The following UBR3 variants were observed in gnomAD, a reference collection of about 807,000 sequenced individuals.
UBR3 encodes the protein ubiquitin protein ligase E3 component n-recognin 3.
A neutral mutation model predicts 243.2 loss-of-function variants in UBR3; 85 were observed. The ratio of observed to expected loss-of-function variants is 0.35; its 90% CI spans 0.29 to 0.42. The LOEUF is 0.42. UBR3 is among the 10% of genes least tolerant of loss of function. UBR3 has a pLI of 1.00. For synonymous variants in UBR3, 748 were observed against 799.8 expected, an observed-to-expected ratio of 0.94 and a Z score of 1.09; for missense variants, 1,686 against 2,300.8, an observed-to-expected ratio of 0.73 and a Z score of 5.47.
intron 1 of UBR3, among the ~76,000 whole-genome samples, chr2:169,835,476 C>T (rs779720056): frequency 4.2e-4 from 64 of 152,182 alleles, no homozygotes; most frequent in Non-Finnish European, 1.2e-4. Context: ...GAGTCTCACT[C>T]TGTTGCCAGG....
rs539552370 is a variant in UBR3 at position 169,859,547 on chromosome 2, C to G, written c.546-12689C>G. Reference sequence around the variant, plus strand: ...TAATGCAAGACCACCTTGTTATTATCCCACAGCTCACTGAGGTTCTGTTTA... The same window carrying G: ...TAATGCAAGACCACCTTGTTATTATGCCACAGCTCACTGAGGTTCTGTTTA... On this transcript the variant is annotated intron_variant, in intron 1 of 38. Coordinates refer to ENST00000272793, the MANE Select transcript of UBR3 (RefSeq NM_172070.4). Among the ~76,000 whole-genome samples the G allele has an allele frequency of 1.2e-4, 19 of 152,078 alleles. No homozygotes were observed. The East Asian group carries it at 3.1e-3, about 25-fold the overall frequency.
intron 1 of UBR3, among the ~76,000 whole-genome samples, chr2:169,839,438 A>C (rs1425111590): frequency 6.6e-6 from 1 of 152,182 alleles, no homozygotes; most frequent in Non-Finnish European, 1.5e-5. Context: ...AAGAAATAAG[A>C]CCTAATGTTA....
At chr2:169,909,959 TGAGA>T (rs1039867414) in intron 10 of UBR3, among the ~76,000 whole-genome samples, 1 of 152,036 alleles carries the variant, frequency 6.6e-6, no homozygotes, top group Non-Finnish European at 1.5e-5. Flanking sequence ...ACATTGTTGA[TGAGA>T]GAGAGAGACT....
intron 1 of UBR3, among the ~76,000 whole-genome samples, chr2:169,833,190 G>A (rs2081991460): frequency 6.6e-6 from 1 of 152,124 alleles, no homozygotes; most frequent in African/African-American, 2.4e-5. Flanking sequence ...TGTATAAGTG[G>A]ACCCTTGTAG....
chr2:169,942,416 G>T (rs536347867), intron 19 of UBR3, 77 bp from the exon 20 acceptor site: 814 of 1,366,666 alleles, frequency 6.0e-4, no homozygotes, highest in Non-Finnish European at 7.2e-4. Flanking sequence ...ACAGAAATTG[G>T]TGTCTATAAA....
intron 18 of UBR3, among the ~76,000 whole-genome samples, chr2:169,930,382 T>C (rs537300950): frequency 7.5e-6 from 1 of 133,308 alleles, no homozygotes; most frequent in Admixed American, 7.4e-5. Flanking sequence ...AAATTAGTTG[T>C]TTTTTTTTTT....
At position 169,851,569 on chromosome 2, in the gene UBR3, A is replaced by G. The variant is rs1574044757; in HGVS notation, c.546-20667A>G. Among the ~76,000 whole-genome samples the G allele has an allele frequency of 2.0e-5, 3 of 152,262 alleles. No individual in the cohort carries two copies. The East Asian group carries it at 5.8e-4, about 29-fold the overall frequency. ...TTAAAGATAATAGAGAATCTTACTC[A>G]ATGAGTAGGTAGTTGGCCAGGCACG... On this transcript the variant is annotated intron_variant, in intron 1 of 38. Transcript: ENST00000272793.
intron 5 of UBR3, among the ~76,000 whole-genome samples, chr2:169,880,310 T>C (rs2083773165): frequency 6.6e-6 from 1 of 152,250 alleles, no homozygotes; most frequent in Non-Finnish European, 1.5e-5. Flanking sequence ...TTTATATTTA[T>C]GTGGTAGGTT....
intron 31 of UBR3, among the ~76,000 whole-genome samples, chr2:170,037,519 C>T (rs1019508427): frequency 1.2e-4 from 18 of 152,094 alleles, no homozygotes; most frequent in African/African-American, 4.1e-4. Context: ...TCCCAAATAG[C>T]TGGGACCACA....
chr2:169,882,150 G>A (rs1360045144), intron 5 of UBR3, among the ~76,000 whole-genome samples: 1 of 124,450 alleles, frequency 8.0e-6, no homozygotes, highest in African/African-American at 3.1e-5. Context: ...TATTATATAT[G>A]TATATATATT....
intron 5 of UBR3, among the ~76,000 whole-genome samples, chr2:169,887,487 T>G (rs1559060345): frequency 6.6e-6 from 1 of 152,338 alleles, no homozygotes; most frequent in Non-Finnish European, 1.5e-5. Context: ...AATTCTCTAC[T>G]TTTGGGAGTT....
intron 31 of UBR3, among the ~76,000 whole-genome samples, chr2:170,034,014 T>G (rs1021439647): frequency 5.7e-5 from 4 of 70,334 alleles, no homozygotes; most frequent in Non-Finnish European, 7.9e-5. Context: ...AAGACTTTGG[T>G]TTGTTTTTTT....
intron 1 of UBR3, among the ~76,000 whole-genome samples, chr2:169,868,994 C>T (rs2083345905): frequency 6.6e-6 from 1 of 152,098 alleles, no homozygotes; most frequent in South Asian, 2.1e-4. Context: ...TAATGTCTCA[C>T]ATTCTCCATT....
chr2:169,858,298 G>A (rs561546467), intron 1 of UBR3, among the ~76,000 whole-genome samples: 1 of 152,300 alleles, frequency 6.6e-6, no homozygotes, highest in South Asian at 2.1e-4. Context: ...CTTATCATAA[G>A]CCTGCTTGAA....
rs1480569512 is a variant in UBR3 at position 170,018,916 on chromosome 2, C to T, written c.4453+3550C>T. ...TCTAGTGAAGTTCACATTCTTTCAG[C>T]ACATTTTTGGCATGATATTCTCAGT... On this transcript the variant is annotated intron_variant, in intron 30 of 38. Transcript: ENST00000272793. Among the ~76,000 whole-genome samples the T allele has an allele frequency of 2.0e-5, 3 of 152,258 alleles. No individual in the cohort carries two copies. The South Asian group carries it at 6.2e-4, about 32-fold the overall frequency.
chr2:169,975,130 A>T (rs143689099), intron 24 of UBR3, among the ~76,000 whole-genome samples: 1,957 of 152,272 alleles, frequency 0.013, 22 homozygotes, highest in Middle Eastern at 0.037. Flanking sequence ...AGATCATGCC[A>T]CTGTACTCCA....
At chr2:169,901,644 T>C (rs1447217378) in intron 8 of UBR3, among the ~76,000 whole-genome samples, 1 of 152,222 alleles carries the variant, frequency 6.6e-6, no homozygotes, top group Admixed American at 6.5e-5. Context: ...ATACTTTTAA[T>C]AAATACAGGA....
chr2:169,840,479 C>G lies in UBR3; in HGVS notation c.545+12427C>G, dbSNP rs950024054. On this transcript the variant is annotated intron_variant, in intron 1 of 38. Transcript: ENST00000272793. ...GGTGCAGTCCACACTGTACCTCTCA[C>G]CGGTTGGAATCAGGTACCCGTGGTT... is the stretch of plus-strand genomic sequence containing the variant. Among the ~76,000 whole-genome samples, 4 of 152,220 alleles carry G rather than the reference C, an allele frequency of 2.6e-5. No individual in the cohort carries two copies. The East Asian group carries it at 7.7e-4, about 29-fold the overall frequency.
intron 5 of UBR3, among the ~76,000 whole-genome samples, chr2:169,884,190 C>G (rs981840576): frequency 1.4e-5 from 2 of 148,110 alleles, no homozygotes; most frequent in Non-Finnish European, 3.0e-5. Flanking sequence ...GAGTCTTGCA[C>G]TGTCGCCCAG....
Sources: gnomAD v4.1 joint callset for allele counts (sites outside exome capture counted in the v4.1 genomes callset) on GRCh38, gnomAD v4.1.1 for gene constraint, MANE v1.5 for transcripts, NCBI Gene and HGNC (gene_info 2026-07-23, HGNC 2026-07-21) for gene names.